Variants in PIBF1 observed in about 807,000 individuals in gnomAD.
PIBF1 encodes the protein progesterone-induced-blocking factor 1.
In PIBF1, 90 loss-of-function variants were observed where a neutral mutation model predicts 112.5. That is an observed-to-expected ratio of 0.80 (90% CI 0.67 to 0.95). PIBF1 has a LOEUF of 0.95. Among genes scored for constraint, PIBF1 ranks in the 40% least tolerant of loss-of-function variants. PIBF1 has a pLI of 0.00. For synonymous variants in PIBF1, 301 were observed against 288.6 expected (o/e 1.04, Z -0.44); for missense variants, 915 against 852.3 (o/e 1.07, Z -0.92).
At chr13:72,856,144 G>T (rs1293345187) in intron 10 of PIBF1, among the ~76,000 whole-genome samples, 1 of 152,104 alleles carries the variant, frequency 6.6e-6, no homozygotes. Flanking sequence ...ATACCTAAAA[G>T]TATCTATTAA....
chr13:72,911,209 A>T (rs1255091051), intron 12 of PIBF1, among the ~76,000 whole-genome samples: 1 of 152,168 alleles, frequency 6.6e-6, no homozygotes, highest in African/African-American at 2.4e-5. Context: ...AAAAGAACAA[A>T]TTGGAAGAAT....
At chr13:72,923,634 C>A (rs974552677) in intron 13 of PIBF1, among the ~76,000 whole-genome samples, 1 of 152,182 alleles carries the variant, frequency 6.6e-6, no homozygotes, top group African/African-American at 2.4e-5. Context: ...TAGCAAGAGT[C>A]ATTTTTCCTG....
chr13:72,855,681 TAAAGATCATGGTGTA>T, intron 10 of PIBF1, among the ~76,000 whole-genome samples: 1 of 152,070 alleles, frequency 6.6e-6, no homozygotes, highest in Non-Finnish European at 1.5e-5. Context: ...CTAAAAAAAA[TAAAGATCATGGTGTA>T]AAAGATCATG....
chr13:72,833,332 T>C (rs1486068746), intron 8 of PIBF1, among the ~76,000 whole-genome samples: 1 of 152,240 alleles, frequency 6.6e-6, no homozygotes, highest in Non-Finnish European at 1.5e-5. Flanking sequence ...TTGTGATCCT[T>C]TGGAGGAAAA....
chr13:72,989,829 T>C (rs1483042149), intron 16 of PIBF1, among the ~76,000 whole-genome samples: 1 of 152,182 alleles, frequency 6.6e-6, no homozygotes, highest in Non-Finnish European at 1.5e-5. Flanking sequence ...AAAATGTTGA[T>C]AATTGAAGTT....
intron 9 of PIBF1, among the ~76,000 whole-genome samples, chr13:72,845,051 A>G (rs1057042034): frequency 1.3e-5 from 2 of 151,660 alleles, no homozygotes; most frequent in African/African-American, 2.4e-5. Context: ...TACATGTGCC[A>G]TGGTGGTTTG....
chr13:72,978,835 C>A (rs949025513), intron 16 of PIBF1, among the ~76,000 whole-genome samples: 8 of 152,084 alleles, frequency 5.3e-5, no homozygotes, highest in Non-Finnish European at 1.0e-4. Flanking sequence ...GATAGGAACT[C>A]ACTTTTAGAT....
At chr13:72,960,529 T>TA (rs1271430123) in intron 14 of PIBF1, among the ~76,000 whole-genome samples, 4 of 152,240 alleles carry the variant, frequency 2.6e-5, no homozygotes, top group African/African-American at 9.6e-5. Flanking sequence ...CTGCTGCTGT[T>TA]ATGTTTTGTG....
rs9600033 is a variant in PIBF1 at position 72,894,780 on chromosome 13, T to C, written c.1488+831T>C. On this transcript the variant is annotated intron_variant, in intron 11 of 17. Coordinates refer to ENST00000326291, the MANE Select transcript of PIBF1 (RefSeq NM_006346.4). ...ATATTATATATATATATAGTGTGTG[T>C]GTGTGTGTGTGTGTGTGTGTGTGTG... 6.0e-3 allele frequency among the ~76,000 whole-genome samples: 608 copies of C among 101,964 alleles called. 6 individuals carry two copies. In the East Asian group the frequency reaches 0.089, roughly 15 times the overall value. The allele number at this position is 101,964 out of a possible 152,430, so 66.9% of individuals were successfully genotyped here.
intron 9 of PIBF1, among the ~76,000 whole-genome samples, chr13:72,839,934 G>A (rs1192024892): frequency 6.6e-6 from 1 of 152,040 alleles, no homozygotes; most frequent in Admixed American, 6.5e-5. Context: ...ACCTAACCAG[G>A]GGATTCCTGG....
At chr13:72,793,675 A>G (rs940221950) in intron 3 of PIBF1, among the ~76,000 whole-genome samples, 2 of 152,248 alleles carry the variant, frequency 1.3e-5, no homozygotes, top group African/African-American at 2.4e-5. Flanking sequence ...GCTGATGGTC[A>G]TAAAAAATGG....
At chr13:72,844,091 C>T (rs1478094634) in intron 9 of PIBF1, among the ~76,000 whole-genome samples, 1 of 152,124 alleles carries the variant, frequency 6.6e-6, no homozygotes, top group East Asian at 1.9e-4. Context: ...ACTTTACATA[C>T]GTTGTAGAAA....
intron 10 of PIBF1, among the ~76,000 whole-genome samples, chr13:72,864,794 G>A (rs996588133): frequency 6.6e-6 from 1 of 152,322 alleles, no homozygotes; most frequent in Admixed American, 6.5e-5. Flanking sequence ...AATTACCACA[G>A]ATGAAGTGTG....
chr13:72,964,051 C>T (rs1450521384), intron 14 of PIBF1, among the ~76,000 whole-genome samples: 1 of 152,164 alleles, frequency 6.6e-6, no homozygotes, highest in African/African-American at 2.4e-5. Context: ...TTCATAGCAG[C>T]ATTATTCACA....
chr13:72,854,087 G>T lies in PIBF1; in HGVS notation c.1254G>T (p.Val418=), dbSNP rs200333064. Residue 418 remains valine (V), a synonymous_variant, in exon 10 of 18, where the codon GTG becomes GTT. Coordinates refer to ENST00000326291, the MANE Select transcript of PIBF1 (RefSeq NM_006346.4). ...TCCGAGAAGCAAGGGATAATGCTGT[G>T]GCTGAAAAGGAACGAGCAGTGATGG... ...RNLREARDNA[V]AEKERAVMAE... is the part of the protein sequence containing the mutation. The T allele has an allele frequency of 6.2e-7, 1 of 1,613,200 alleles. No individual in the cohort carries two copies. Among genetic ancestry groups the T allele is most frequent in the South Asian group, 1.1e-5 (1 of 91,036 alleles).
chr13:72,801,551 T>G (rs1405840601), intron 5 of PIBF1, among the ~76,000 whole-genome samples: 8 of 152,218 alleles, frequency 5.3e-5, no homozygotes, highest in Non-Finnish European at 1.2e-4. Flanking sequence ...AACGTAAAGA[T>G]GCAGTATTAA....
intron 10 of PIBF1, among the ~76,000 whole-genome samples, chr13:72,868,313 G>GAA (rs76699229): frequency 0.03 from 3,792 of 124,940 alleles, 58 homozygotes; most frequent in Non-Finnish European, 0.041. Context: ...TATTAAAAAA[G>GAA]AAAAAAAAAA....
chr13:72,943,308 G>A (rs2042061123), intron 14 of PIBF1, among the ~76,000 whole-genome samples: 1 of 152,072 alleles, frequency 6.6e-6, no homozygotes, highest in Non-Finnish European at 1.5e-5. Context: ...GATGACTGTA[G>A]TTTACAATAA....
chr13:72,897,913 A>G (rs1233076285), intron 11 of PIBF1, among the ~76,000 whole-genome samples: 2 of 152,200 alleles, frequency 1.3e-5, no homozygotes, highest in East Asian at 3.9e-4. Flanking sequence ...AAGTCAACAA[A>G]GAAACAATGG....
Sources: allele counts gnomAD v4.1 joint callset (sites outside exome capture counted in the v4.1 genomes callset), GRCh38; gene constraint gnomAD v4.1.1; transcripts MANE v1.5; gene names NCBI Gene and HGNC (gene_info 2026-07-23, HGNC 2026-07-21).